MCRIP1: variants seen among roughly 807,000 people sequenced by gnomAD.
The protein encoded by MCRIP1 is MAPK regulated corepressor interacting protein 1.
In MCRIP1, 10 loss-of-function variants were observed where a neutral mutation model predicts 14.4. The observed-to-expected ratio is 0.70, with a 90% confidence interval of 0.43 to 1.18. MCRIP1 has a LOEUF of 1.18. MCRIP1 is among the 50% of genes most tolerant of loss of function. The pLI, the probability that MCRIP1 is intolerant of heterozygous loss-of-function variation, is 0.00. For missense variants in MCRIP1, 119 were observed against 135.4 expected (o/e 0.88, Z 0.60); for synonymous variants, 53 against 55.7 (o/e 0.95, Z 0.21).
At position 81,823,023 on chromosome 17, in the gene MCRIP1, G is replaced by C. The variant is rs2038302283; in HGVS notation, c.*224C>G. The C allele has an allele frequency of 3.3e-6, 2 of 603,480 alleles. No homozygotes were observed. The highest frequency in any genetic ancestry group is 2.9e-5 in the Admixed American group (1 of 34,168). 37.4% of individuals were successfully genotyped at this position (603,480 alleles called of 1,614,324 possible). On this transcript the variant is annotated 3_prime_UTR_variant, in exon 5 of 5. Coordinates refer to ENST00000455127, the MANE Select transcript of MCRIP1 (RefSeq NM_207368.5). The surrounding 1 kb of genome is among the most constrained non-coding windows in gnomAD (Gnocchi z 6.0). ...GTGGCTGGGGGAGGGCAGGAGGGTG[G>C]GCAGGGCCCAGACCCCCATGATGGG... is the stretch of plus-strand genomic sequence containing the variant.
At chr17:81,826,310 C>T (rs2038395203) in intron 1 of MCRIP1, 3 of 1,535,384 alleles carry the variant, frequency 2.0e-6, no homozygotes, top group African/African-American at 1.4e-5. Flanking sequence ...CACATGCATA[C>T]AACCGCCCGC....
chr17:81,826,666 A>G (rs554882459), intron 1 of MCRIP1: 2 of 417,306 alleles, frequency 4.8e-6, no homozygotes, highest in African/African-American at 4.2e-5. Flanking sequence ...CTAAAAATAC[A>G]AAATTAGTTG....
rs1210449037 is a variant in MCRIP1 at position 81,832,978 on chromosome 17, T to C, written c.-49+260A>G. The stretch of plus-strand genomic sequence containing the variant: ...TGGGTCCCCGGCACCTGCCCCTGCC[T>C]GGGCGGGAAAGGCGCTCAGTCCGAG... On this transcript the variant is annotated intron_variant, in intron 1 of 4. Transcript: ENST00000455127. Among the ~76,000 whole-genome samples the C allele has an allele frequency of 5.3e-5, 8 of 151,874 alleles. No individual in the cohort carries two copies. In the South Asian group the frequency reaches 8.3e-4, roughly 16 times the overall value.
At chr17:81,824,472 A>C (rs8079817) in intron 2 of MCRIP1, 27 bp downstream of exon 2, 1 of 1,535,524 alleles carries the variant, frequency 6.5e-7, no homozygotes, top group African/African-American at 1.4e-5. Context: ...GCCCCGGTGG[A>C]GACCAGCCCA....
intron 1 of MCRIP1, chr17:81,824,966 C>A: frequency 9.3e-7 from 1 of 1,072,438 alleles, no homozygotes; most frequent in Non-Finnish European, 1.1e-6. Flanking sequence ...GGCCTGCAGC[C>A]CCTCAGCTAA....
Position 81,824,415 on chromosome 17 carries a change from C to G in MCRIP1, c.9-10G>C. 1 of 1,533,316 alleles carries G rather than the reference C, an allele frequency of 6.5e-7. No individual in the cohort carries two copies. The allele number at this position is 1,533,316 out of a possible 1,614,324, so 95.0% of individuals were successfully genotyped here. A position where few individuals can be genotyped will look rare whatever the true frequency, so the allele number is the denominator to read the frequency against. On this transcript the variant is annotated splice_polypyrimidine_tract_variant and intron_variant, in intron 2 of 4. Transcript: ENST00000455127. ...TCTGGAGACGGGGGAGCTGGGGGAG[C>G]CTGGCGCATGAGACAGGGCACACAG... is the stretch of plus-strand genomic sequence containing the variant.
chr17:81,832,166 C>T (rs186443908), intron 1 of MCRIP1, among the ~76,000 whole-genome samples: 1 of 152,304 alleles, frequency 6.6e-6, no homozygotes, highest in Admixed American at 6.5e-5. Context: ...TTCTAAGACT[C>T]CACTTTCTCT....
intron 1 of MCRIP1, chr17:81,826,116 G>A (rs1223717300): frequency 6.8e-6 from 10 of 1,480,148 alleles, no homozygotes; most frequent in Non-Finnish European, 9.0e-6. Context: ...CCACACCTTT[G>A]GCCTGGGATC....
intron 1 of MCRIP1, 78 bp from the exon 2 acceptor site, chr17:81,824,632 A>G (rs1441606815): frequency 2.6e-6 from 4 of 1,530,668 alleles, no homozygotes; most frequent in Non-Finnish European, 3.5e-6. Context: ...CGCAGGGCAC[A>G]CCTGCCTCCT....
At chr17:81,825,976 CTCGCCCCCTGCT>C in intron 1 of MCRIP1, 1 of 1,329,452 alleles carries the variant, frequency 7.5e-7, no homozygotes, top group South Asian at 1.2e-5. Flanking sequence ...AGCCCCCTGC[CTCGCCCCCTGCT>C]GGCTCTCACC....
intron 3 of MCRIP1, 37 bp downstream of exon 3, chr17:81,824,250 G>C: frequency 6.7e-7 from 1 of 1,484,314 alleles, no homozygotes; most frequent in Non-Finnish European, 9.1e-7. Flanking sequence ...ACTCCGTCAA[G>C]GACAGGGCAG....
chr17:81,825,273 C>T lies in MCRIP1; in HGVS notation c.-48-719G>A, dbSNP rs970428315. 34 of 1,104,984 alleles carry T rather than the reference C, an allele frequency of 3.1e-5. No homozygotes were observed. The African/African-American group carries it at 5.0e-4, about 16-fold the overall frequency. 68.4% of individuals were successfully genotyped at this position (1,104,984 alleles called of 1,614,324 possible). A position where few individuals can be genotyped will look rare whatever the true frequency, so the allele number is the denominator to read the frequency against. Reference sequence around the variant, plus strand: ...TGGCCTCCCAGCCCAGGGGAATCCACGGCTCTGGAAAAATGGAGTCTATTT... The same window carrying T: ...TGGCCTCCCAGCCCAGGGGAATCCATGGCTCTGGAAAAATGGAGTCTATTT... On this transcript the variant is annotated intron_variant, in intron 1 of 4. Coordinates refer to ENST00000455127, the MANE Select transcript of MCRIP1 (RefSeq NM_207368.5).
intron 1 of MCRIP1, among the ~76,000 whole-genome samples, chr17:81,827,511 T>A (rs993783739): frequency 2.6e-5 from 4 of 151,824 alleles, no homozygotes; most frequent in Admixed American, 6.6e-5. Flanking sequence ...GACCTTGTGA[T>A]CCACCCACCT....
Position 81,823,932 on chromosome 17 carries a change from GCGTGCCTGTC to G in MCRIP1, c.127+345_127+354del, listed in dbSNP as rs1276764681. Reference sequence around the variant, plus strand: ...GCAACACGCCCGTTCATGGCTGGATGCGTGCCTGTCTGTCTTCAAAGGCCCCTCCCTTTCC... The same window carrying G: ...GCAACACGCCCGTTCATGGCTGGATGTGTCTTCAAAGGCCCCTCCCTTTCC... On this transcript the variant is annotated intron_variant, in intron 3 of 4. Transcript: ENST00000455127. The surrounding 1 kb of genome is among the most constrained non-coding windows in gnomAD (Gnocchi z 6.0). The G allele has an allele frequency of 8.0e-5, 41 of 513,426 alleles. No individual in the cohort carries two copies. The highest frequency in any genetic ancestry group is 7.5e-4 in the African/African-American group (39 of 51,860). 31.8% of individuals were successfully genotyped at this position (513,426 alleles called of 1,614,324 possible).
At position 81,824,539 on chromosome 17, in the gene MCRIP1, C is replaced by G. The variant is rs1413054854; in HGVS notation, c.-33G>C. ...GCGTCTGATCCTAGCGCTCCACCGC[C>G]AGATCCCCTCAGCCTCTGAAACAGA... On this transcript the variant is annotated 5_prime_UTR_variant, in exon 2 of 5. Transcript: ENST00000455127. 2 of 1,535,932 alleles carry G rather than the reference C, an allele frequency of 1.3e-6. No homozygotes were observed. Among genetic ancestry groups the G allele is most frequent in the East Asian group, 4.9e-5 (2 of 40,906 alleles).
rs556258053 is a variant in MCRIP1, at chr17:81,826,574, C to T, written c.-48-2020G>A. 3.7e-5 allele frequency: 21 copies of T among 574,464 alleles called. No homozygotes were observed. The African/African-American group carries it at 3.7e-4, about 10-fold the overall frequency. 35.6% of individuals were successfully genotyped at this position (574,464 alleles called of 1,614,324 possible). Reference sequence around the variant, plus strand: ...GTGGCTCACGCTTGTAATCCCAACACTTTGGGAGGCAGAGGCGGGTGGATC... The same window carrying T: ...GTGGCTCACGCTTGTAATCCCAACATTTTGGGAGGCAGAGGCGGGTGGATC... On this transcript the variant is annotated intron_variant, in intron 1 of 4. Coordinates refer to ENST00000455127, the MANE Select transcript of MCRIP1 (RefSeq NM_207368.5).
intron 1 of MCRIP1, chr17:81,826,097 T>C: frequency 6.8e-7 from 1 of 1,478,364 alleles, no homozygotes; most frequent in Non-Finnish European, 9.0e-7. Flanking sequence ...CCACTTGGCC[T>C]TTATGCAGCC....
chr17:81,823,560 G>GCCC lies in MCRIP1; in HGVS notation c.128-48_128-47insGGG. On this transcript the variant is annotated intron_variant, in intron 3 of 4. Transcript: ENST00000455127. The surrounding 1 kb of genome is among the most constrained non-coding windows in gnomAD (Gnocchi z 6.0). ...TGCTCAGGGCCCCCTGCCCCAGGGG[G>GCCC]TGGCATCCACGTCACGAGAGTGCCT... 1 of 1,494,470 alleles carries GCCC rather than the reference G, an allele frequency of 6.7e-7. No homozygotes were observed. Among genetic ancestry groups the GCCC allele is most frequent in the Non-Finnish European group, 9.0e-7 (1 of 1,110,452 alleles). The allele number at this position is 1,494,470 out of a possible 1,614,324, so 92.6% of individuals were successfully genotyped here.
chr17:81,824,278 C>G lies in MCRIP1; in HGVS notation c.127+9G>C, dbSNP rs542966873. On this transcript the variant is annotated intron_variant, in intron 3 of 4. Coordinates refer to ENST00000455127, the MANE Select transcript of MCRIP1 (RefSeq NM_207368.5). Reference sequence around the variant, plus strand: ...CAGGGCAGGAGCTGTGTGTGGCAGGCGCACCCACCTTCGTAAATGAAGCGG... The same window carrying G: ...CAGGGCAGGAGCTGTGTGTGGCAGGGGCACCCACCTTCGTAAATGAAGCGG... 2 of 1,526,562 alleles carry G rather than the reference C, an allele frequency of 1.3e-6. No individual in the cohort carries two copies. The allele number at this position is 1,526,562 out of a possible 1,614,324, so 94.6% of individuals were successfully genotyped here.
Sources: gnomAD v4.1 joint callset for allele counts (sites outside exome capture counted in the v4.1 genomes callset) on GRCh38, gnomAD v4.1.1 for gene constraint, Gnocchi (gnomAD v3.1) non-coding constraint, MANE v1.5 for transcripts, NCBI Gene and HGNC (gene_info 2026-07-23, HGNC 2026-07-21) for gene names.